Variants in NSMAF observed in about 807,000 individuals in gnomAD.
NSMAF encodes protein FAN.
Under a neutral mutation model 134.9 loss-of-function variants are expected in NSMAF, and 90 were observed. The ratio of observed to expected loss-of-function variants is 0.67; its 90% confidence interval spans 0.56 to 0.79. NSMAF has a LOEUF of 0.79. Ranked by LOEUF, NSMAF falls within the 30% of genes least tolerant of loss-of-function variation. The pLI, the probability that NSMAF is intolerant of heterozygous loss-of-function variation, is 0.00. For missense variants in NSMAF, 1,010 were observed against 1,119.0 expected (o/e 0.90, Z 1.39); for synonymous variants, 358 against 389.6 (o/e 0.92, Z 0.96).
intron 9 of NSMAF, among the ~76,000 whole-genome samples, chr8:58,615,754 T>C (rs533356099): frequency 2.6e-5 from 4 of 152,308 alleles, no homozygotes; most frequent in African/African-American, 9.6e-5. Context: ...CTAGACTTTC[T>C]TCTTAGAAAG....
intron 1 of NSMAF, among the ~76,000 whole-genome samples, chr8:58,650,078 A>G (rs1488194471): frequency 6.6e-6 from 1 of 152,172 alleles, no homozygotes; most frequent in African/African-American, 2.4e-5. Context: ...ACGCCAGGAG[A>G]CATAAGCACT....
intron 2 of NSMAF, among the ~76,000 whole-genome samples, chr8:58,642,161 C>T (rs576742149): frequency 6.6e-6 from 1 of 152,156 alleles, no homozygotes; most frequent in African/African-American, 2.4e-5. Context: ...AAACAAATAC[C>T]ACATGTTTTT....
chr8:58,593,915 C>A (rs989266149), intron 23 of NSMAF, among the ~76,000 whole-genome samples: 1 of 152,226 alleles, frequency 6.6e-6, no homozygotes, highest in African/African-American at 2.4e-5. Context: ...CTACTCACAG[C>A]CAACCCCAAC....
chr8:58,584,988 G>A (rs1022120982), intron 30 of NSMAF, among the ~76,000 whole-genome samples: 2 of 152,196 alleles, frequency 1.3e-5, no homozygotes, highest in African/African-American at 4.8e-5. Context: ...ACAGGGAAGA[G>A]AATGAAGGTA....
intron 23 of NSMAF, among the ~76,000 whole-genome samples, chr8:58,593,634 T>C (rs1438171933): frequency 6.6e-6 from 1 of 152,184 alleles, no homozygotes; most frequent in Non-Finnish European, 1.5e-5. Flanking sequence ...TAATGAATAA[T>C]ATATAATGCA....
intron 27 of NSMAF, 122 bp from the exon 28 acceptor site, chr8:58,586,730 C>T (rs377065089): frequency 8.3e-6 from 6 of 719,222 alleles, no homozygotes; most frequent in Admixed American, 5.5e-5. Context: ...TGCAGTATGC[C>T]GGTGTTGCTA....
chr8:58,659,367 G>A, intron 1 of NSMAF: 19 of 1,523,884 alleles, frequency 1.2e-5, no homozygotes, highest in Non-Finnish European at 1.2e-5. Flanking sequence ...TCCCCGGCAG[G>A]CTCCGGCCCA....
rs565454989 is a variant in NSMAF, at chr8:58,630,053, G to A, written c.384+1443C>T. The stretch of plus-strand genomic sequence containing the variant: ...TCCAATTTTCTCTTTCCCTCTCCAG[G>A]GAGAAGCTAGAGGCTGGGAAATTTC... On this transcript the variant is annotated intron_variant, in intron 6 of 30. Transcript: ENST00000038176. Among the ~76,000 whole-genome samples, 6 of 152,346 alleles carry A rather than the reference G, an allele frequency of 3.9e-5. No individual in the cohort carries two copies. The South Asian group carries it at 1.2e-3, about 32-fold the overall frequency.
At chr8:58,644,743 A>C (rs1807404847) in intron 1 of NSMAF, among the ~76,000 whole-genome samples, 1 of 152,240 alleles carries the variant, frequency 6.6e-6, no homozygotes, top group Admixed American at 6.5e-5. Context: ...AGACTGGATA[A>C]AGAAAATGTG....
At chr8:58,651,795 T>G (rs1459117313) in intron 1 of NSMAF, among the ~76,000 whole-genome samples, 1 of 152,234 alleles carries the variant, frequency 6.6e-6, no homozygotes, top group African/African-American at 2.4e-5. Flanking sequence ...CACAATCAAC[T>G]GGGGATCTTG....
chr8:58,617,537 G>A (rs1394071045), intron 9 of NSMAF, among the ~76,000 whole-genome samples: 9 of 152,302 alleles, frequency 5.9e-5, no homozygotes, highest in African/African-American at 2.2e-4. Flanking sequence ...AGACATCTAT[G>A]CAGCCAACAG....
rs750958450 is a variant in NSMAF, at chr8:58,635,565, C to T, written c.150-19G>A. 9 of 1,494,592 alleles carry T rather than the reference C, an allele frequency of 6.0e-6. No individual in the cohort carries two copies. In the Admixed American group the frequency reaches 1.2e-4, roughly 20 times the overall value. 92.6% of individuals were successfully genotyped at this position (1,494,592 alleles called of 1,614,324 possible). A position where few individuals can be genotyped will look rare whatever the true frequency, so the allele number is the denominator to read the frequency against. ...GATTTTCCTAGGGATCCAAGTACAA[C>T]AGATTGTTTGATGAGCATAACAAAA... On this transcript the variant is annotated intron_variant, in intron 2 of 30. Coordinates refer to ENST00000038176, the MANE Select transcript of NSMAF (RefSeq NM_003580.4).
At chr8:58,634,223 T>C (rs1807121455) in intron 5 of NSMAF, among the ~76,000 whole-genome samples, 1 of 152,194 alleles carries the variant, frequency 6.6e-6, no homozygotes, top group South Asian at 2.1e-4. Flanking sequence ...GTTTTCTTCC[T>C]TAAAATTAAT....
chr8:58,649,739 T>G (rs2129148344), intron 1 of NSMAF, among the ~76,000 whole-genome samples: 1 of 152,266 alleles, frequency 6.6e-6, no homozygotes, highest in African/African-American at 2.4e-5. Context: ...TCTCTTGCCA[T>G]GTGATGTACC....
At chr8:58,595,794 A>G in intron 21 of NSMAF, 135 bp from the exon 22 acceptor site, 1 of 629,366 alleles carries the variant, frequency 1.6e-6, no homozygotes, top group South Asian at 1.8e-5. Flanking sequence ...CTGCTTTGAA[A>G]TGTACCTGTT....
intron 9 of NSMAF, among the ~76,000 whole-genome samples, chr8:58,620,190 G>A (rs1806753162): frequency 6.6e-6 from 1 of 152,188 alleles, no homozygotes; most frequent in Non-Finnish European, 1.5e-5. Flanking sequence ...CCATAGGTAG[G>A]TACTTATTGC....
At chr8:58,602,733 A>G (rs1278967074) in intron 13 of NSMAF, among the ~76,000 whole-genome samples, 1 of 152,232 alleles carries the variant, frequency 6.6e-6, no homozygotes, top group East Asian at 1.9e-4. Context: ...GCAAGAGAAG[A>G]GTAGATATAC....
chr8:58,589,061 T>A (rs1387452597), intron 26 of NSMAF, among the ~76,000 whole-genome samples: 1 of 151,116 alleles, frequency 6.6e-6, no homozygotes, highest in Non-Finnish European at 1.5e-5. Flanking sequence ...GTGTTTTTTT[T>A]AAACAAAAAA....
At chr8:58,646,137 T>C (rs1214550130) in intron 1 of NSMAF, among the ~76,000 whole-genome samples, 3 of 152,190 alleles carry the variant, frequency 2.0e-5, no homozygotes, top group Non-Finnish European at 2.9e-5. Context: ...ACCATCCTAA[T>C]CTGTAACTTT....
Sources: gnomAD v4.1 joint callset for allele counts (sites outside exome capture counted in the v4.1 genomes callset) on GRCh38, gnomAD v4.1.1 for gene constraint, MANE v1.5 for transcripts, NCBI Gene and HGNC (gene_info 2026-07-23, HGNC 2026-07-21) for gene names.